The following FARP2 variants were observed in gnomAD, a reference collection of about 807,000 sequenced individuals.
FARP2 encodes FERM, ARHGEF and pleckstrin domain-containing protein 2.
A neutral mutation model predicts 130.5 loss-of-function variants in FARP2; 111 were observed. The ratio of observed to expected loss-of-function variants is 0.85; its 90% confidence interval spans 0.73 to 1.00. The LOEUF (loss-of-function observed/expected upper bound fraction) is 1.00, where lower values mean the gene tolerates loss of function less well. Ranked by LOEUF, FARP2 falls within the 50% of genes least tolerant of loss-of-function variation. The pLI is 0.00. For missense variants in FARP2, 1,385 were observed against 1,346.3 expected (o/e 1.03, Z -0.45); for synonymous variants, 504 against 516.9 (o/e 0.98, Z 0.34).
At chr2:241,486,339 G>A (rs1236577729) in intron 21 of FARP2, among the ~76,000 whole-genome samples, 1 of 131,522 alleles carries the variant, frequency 7.6e-6, no homozygotes, top group Admixed American at 8.9e-5. Context: ...GTGTGTGCCT[G>A]TAGTCCCAGC....
intron 24 of FARP2, 159 bp from the exon 25 acceptor site, chr2:241,492,770 C>CTT (rs1559819154): frequency 1.7e-6 from 1 of 577,942 alleles, no homozygotes; most frequent in Non-Finnish European, 3.1e-6. Flanking sequence ...TTCTGTTGGA[C>CTT]TTAAGTACTG....
In FARP2 at chr2:241,492,939, C is replaced by T; in HGVS notation, c.2798C>T (p.Ser933Leu). The T allele has an allele frequency of 6.2e-7, 1 of 1,606,012 alleles. No individual in the cohort carries two copies. The highest frequency in any genetic ancestry group is 8.5e-7 in the Non-Finnish European group (1 of 1,172,648). Residue 933 changes from serine (S) to leucine (L), a missense_variant, in exon 25 of 27, where the codon TCA becomes TTA. By Grantham distance (145) the Ser-to-Leu change is moderately radical. Coordinates refer to ENST00000264042, the MANE Select transcript of FARP2 (RefSeq NM_014808.4). The part of the protein sequence containing the change: ...DHSAAVENQL[S>L]GYLLRKFKNS... ...TTCCTTTATTGACAGAACCAGCTTTCAGGATATCTGCTAAGAAAGTTCAAA... is the reference window on the plus strand; with the variant it reads ...TTCCTTTATTGACAGAACCAGCTTTTAGGATATCTGCTAAGAAAGTTCAAA...
chr2:241,462,641 T>A (rs1459138511), intron 15 of FARP2, 29 bp downstream of exon 15: 8 of 1,427,328 alleles, frequency 5.6e-6, no homozygotes. Context: ...ACTTTGATTT[T>A]TTTTTAAAAT....
chr2:241,484,158 G>T, intron 20 of FARP2, 84 bp from the exon 21 acceptor site: 1 of 1,588,306 alleles, frequency 6.3e-7, no homozygotes, highest in East Asian at 2.3e-5. Context: ...ATGTCCACAT[G>T]ATGAGCAGCC....
intron 19 of FARP2, chr2:241,478,937 G>A: frequency 2.5e-6 from 1 of 396,946 alleles, no homozygotes. Context: ...ATACAGTATG[G>A]CCAGTGAACC....
At chr2:241,365,974 CTT>C (rs543957880) in intron 1 of FARP2, among the ~76,000 whole-genome samples, 7 of 135,778 alleles carry the variant, frequency 5.2e-5, no homozygotes, top group Admixed American at 1.5e-4. Context: ...GGTTTATGCT[CTT>C]TTTTTTTTTT....
At chr2:241,455,229 T>C (rs2150450812) in intron 13 of FARP2, among the ~76,000 whole-genome samples, 1 of 152,212 alleles carries the variant, frequency 6.6e-6, no homozygotes, top group East Asian at 1.9e-4. Context: ...GAGTAAGGAG[T>C]CACCATGGTG....
chr2:241,360,071 G>A (rs1386405533), intron 1 of FARP2, among the ~76,000 whole-genome samples: 1 of 152,000 alleles, frequency 6.6e-6, no homozygotes, highest in African/African-American at 2.4e-5. Flanking sequence ...CTCACTCCAA[G>A]GCACTTAAAT....
At chr2:241,425,196 G>A (rs1042634006) in intron 8 of FARP2, among the ~76,000 whole-genome samples, 10 of 151,936 alleles carry the variant, frequency 6.6e-5, no homozygotes, top group African/African-American at 1.9e-4. Context: ...GATGAAGTGC[G>A]ACCCTGTCTC....
At chr2:241,466,696 CCCCCA>C (rs2064182281) in intron 17 of FARP2, 32 of 676,632 alleles carry the variant, frequency 4.7e-5, no homozygotes, top group Non-Finnish European at 5.3e-5. Context: ...ACCACCCCCC[CCCCCA>C]CCACCACCAC....
At position 241,407,532 on chromosome 2, in the gene FARP2, T is replaced by C; in HGVS notation, c.332-5T>C. The C allele has an allele frequency of 1.2e-6, 2 of 1,612,526 alleles. No individual in the cohort carries two copies. The highest frequency in any genetic ancestry group is 1.7e-6 in the Non-Finnish European group (2 of 1,178,576). ...ATTTGTGAAGTTTAAATTTTTTTGT[T>C]ATAGGGCCAAAGAATGTGGTGCTTC... On this transcript the variant is annotated splice_region_variant and splice_polypyrimidine_tract_variant and intron_variant, in intron 4 of 26. Coordinates refer to ENST00000264042, the MANE Select transcript of FARP2 (RefSeq NM_014808.4).
chr2:241,462,683 C>CT (rs1418026732), intron 15 of FARP2, 71 bp downstream of exon 15: 48 of 1,046,610 alleles, frequency 4.6e-5, no homozygotes, highest in Non-Finnish European at 5.4e-5. Context: ...AGAAATATCT[C>CT]TTTTTTTTCT....
At chr2:241,470,814 G>T (rs2064285964) in intron 18 of FARP2, among the ~76,000 whole-genome samples, 1 of 148,848 alleles carries the variant, frequency 6.7e-6, no homozygotes, top group Non-Finnish European at 1.5e-5. Flanking sequence ...GTGCTGTGGG[G>T]ACTCTGCTCT....
chr2:241,432,550 T>G (rs2150398632), intron 9 of FARP2, among the ~76,000 whole-genome samples: 1 of 152,382 alleles, frequency 6.6e-6, no homozygotes, highest in Non-Finnish European at 1.5e-5. Context: ...TGTTCTCTTG[T>G]GTCCTTCATT....
At chr2:241,491,789 C>G in intron 24 of FARP2, 110 bp downstream of exon 24, 1 of 1,075,426 alleles carries the variant, frequency 9.3e-7, no homozygotes, top group Non-Finnish European at 1.3e-6. Context: ...AGGCTTGGCC[C>G]CAGAGGACTG....
chr2:241,457,832 C>T (rs911740350), intron 14 of FARP2, among the ~76,000 whole-genome samples: 4 of 151,752 alleles, frequency 2.6e-5, no homozygotes, highest in African/African-American at 9.7e-5. Flanking sequence ...CGGGAGACCC[C>T]GTGTCGATGT....
intron 2 of FARP2, among the ~76,000 whole-genome samples, chr2:241,375,347 A>C (rs1443707160): frequency 2.0e-5 from 3 of 152,048 alleles, no homozygotes; most frequent in Non-Finnish European, 4.4e-5. Context: ...ATAGGTGCAA[A>C]ATTTAAGAGA....
chr2:241,418,150 G>A lies in FARP2; in HGVS notation c.771+41G>A, dbSNP rs1450748106. Reference sequence around the variant, plus strand: ...AGGGAGGGGTGAGAACAGGGCAGGGGAGGTTTTCTGCAACCTGGTGGGGTT... The same window carrying A: ...AGGGAGGGGTGAGAACAGGGCAGGGAAGGTTTTCTGCAACCTGGTGGGGTT... On this transcript the variant is annotated intron_variant, in intron 8 of 26. Transcript: ENST00000264042. 1.9e-6 allele frequency: 3 copies of A among 1,608,584 alleles called. No homozygotes were observed. In the South Asian group the frequency reaches 3.3e-5, roughly 18 times the overall value.
chr2:241,378,414 C>CTTTTTTT (rs1249648296), intron 2 of FARP2, among the ~76,000 whole-genome samples: 3 of 32,478 alleles, frequency 9.2e-5, no homozygotes, highest in Admixed American at 4.2e-4. Context: ...CATGCCTGGC[C>CTTTTTTT]TATTTTTTTT....
Sources: gnomAD v4.1 joint callset for allele counts (sites outside exome capture counted in the v4.1 genomes callset) on GRCh38, gnomAD v4.1.1 for gene constraint, MANE v1.5 for transcripts, NCBI Gene and HGNC (gene_info 2026-07-23, HGNC 2026-07-21) for gene names.